Variants in LBP observed in about 807,000 individuals in gnomAD.
The protein encoded by LBP is lipopolysaccharide binding protein, also known as lipopolysaccharide-binding protein.
LBP carries 53 observed loss-of-function variants against 56.6 expected under a neutral mutation model. That is an observed-to-expected ratio of 0.94 (90% confidence interval 0.75 to 1.18). LBP has a LOEUF of 1.18. Among genes scored for constraint, LBP ranks in the 50% most tolerant of loss-of-function variants. LBP has a pLI of 0.00. For missense variants in LBP, 601 were observed against 598.3 expected (o/e 1.00, Z -0.05); for synonymous variants, 227 against 247.5 (o/e 0.92, Z 0.78).
intron 1 of LBP, among the ~76,000 whole-genome samples, chr20:38,347,216 G>A (rs1038452841): frequency 2.0e-5 from 3 of 152,142 alleles, no homozygotes; most frequent in Admixed American, 6.5e-5. Context: ...ATTTGTGCCC[G>A]TTAGGTACTT....
At chr20:38,375,181 TTTTTG>T (rs201985141) in intron 14 of LBP, among the ~76,000 whole-genome samples, 2,037 of 112,558 alleles carry the variant, frequency 0.018, 46 homozygotes, top group African/African-American at 0.065. Context: ...CTTCTAGTGC[TTTTTG>T]TTTTAAGGGT....
At chr20:38,353,576 G>C (rs919908465) in intron 3 of LBP, among the ~76,000 whole-genome samples, 1 of 137,512 alleles carries the variant, frequency 7.3e-6, no homozygotes, top group Non-Finnish European at 1.5e-5. Flanking sequence ...AGAGCTACGG[G>C]ATAAAGGCTT....
chr20:38,358,785 T>C (rs902412946), intron 5 of LBP, among the ~76,000 whole-genome samples: 4 of 152,188 alleles, frequency 2.6e-5, no homozygotes, highest in Non-Finnish European at 4.4e-5. Context: ...GTCCCTCTCC[T>C]TCACTGTACA....
chr20:38,366,531 C>T (rs2076882548), intron 8 of LBP, among the ~76,000 whole-genome samples: 1 of 152,210 alleles, frequency 6.6e-6, no homozygotes, highest in South Asian at 2.1e-4. Context: ...AAACCTCACC[C>T]TCGCAGACCC....
rs1385118406 is a variant in LBP at position 38,364,592 on chromosome 20, G to T, written c.761G>T (p.Arg254Leu). The change falls in exon 8 of 15, where the codon CGT (arginine) becomes CTT (leucine). Residue 254 changes from arginine (R) to leucine (L), a missense_variant. Physicochemically the swap from Arg to Leu is moderately radical, Grantham distance 102. Transcript: ENST00000217407. ...EVMFKGEIFH[R>L]NHRSPVTLLA... The stretch of plus-strand genomic sequence containing the variant: ...CCTCTCCAGGGTGAAATCTTTCATC[G>T]TAACCACCGTTCTCCAGTTACCCTC... 1.9e-6 allele frequency: 3 copies of T among 1,614,000 alleles called. No homozygotes were observed. Among genetic ancestry groups the T allele is most frequent in the Non-Finnish European group, 2.5e-6 (3 of 1,179,974 alleles).
intron 9 of LBP, among the ~76,000 whole-genome samples, chr20:38,368,328 G>A (rs998520711): frequency 1.4e-4 from 22 of 152,200 alleles, no homozygotes; most frequent in South Asian, 6.2e-4. Flanking sequence ...GGCCAGGTGC[G>A]GTGGCTCACA....
At chr20:38,370,597 G>A (rs1035766766) in intron 10 of LBP, 141 bp from the exon 11 acceptor site, 11 of 709,070 alleles carry the variant, frequency 1.6e-5, no homozygotes, top group Non-Finnish European at 2.3e-5. Context: ...CCTTCTGGGA[G>A]TCTATGATCT....
At chr20:38,370,570 T>C (rs2076897511) in intron 10 of LBP, among the ~76,000 whole-genome samples, 168 bp from the exon 11 acceptor site, 1 of 151,970 alleles carries the variant, frequency 6.6e-6, no homozygotes, top group South Asian at 2.1e-4. Flanking sequence ...AAATATTGTT[T>C]GAGCACCTAC....
intron 1 of LBP, among the ~76,000 whole-genome samples, chr20:38,348,540 C>T (rs1404603399): frequency 1.3e-5 from 2 of 151,960 alleles, no homozygotes; most frequent in Non-Finnish European, 2.9e-5. Context: ...CTCGATGATC[C>T]ACCCGCCTCG....
At chr20:38,357,717 C>T (rs2076846215) in intron 5 of LBP, among the ~76,000 whole-genome samples, 1 of 152,140 alleles carries the variant, frequency 6.6e-6, no homozygotes, top group South Asian at 2.1e-4. Flanking sequence ...GCTGCTCAGT[C>T]GCGTATACTT....
chr20:38,373,287 G>A, intron 13 of LBP, 152 bp downstream of exon 13: 1 of 678,882 alleles, frequency 1.5e-6, no homozygotes, highest in Non-Finnish European at 2.6e-6. Flanking sequence ...TGTGACATGG[G>A]ATCGTTGAAG....
At position 38,360,759 on chromosome 20, in the gene LBP, C is replaced by T; in HGVS notation, c.644C>T (p.Thr215Ile). 1 of 1,610,956 alleles carries T rather than the reference C, an allele frequency of 6.2e-7. No individual in the cohort carries two copies. Among genetic ancestry groups the T allele is most frequent in the African/African-American group, 1.3e-5 (1 of 74,958 alleles). Reference protein sequence around the residue: ...VSSDLQPYLQTLPVTTEIDSF... With the variant: ...VSSDLQPYLQILPVTTEIDSF... ...TCCGATCTACAGCCTTATCTCCAAACTCTGCCAGGTAGGACACCCCATCCA... is the reference window on the plus strand; with the variant it reads ...TCCGATCTACAGCCTTATCTCCAAATTCTGCCAGGTAGGACACCCCATCCA... The change falls in exon 6 of 15, where the codon ACT becomes ATT. Residue 215 changes from threonine (T) to isoleucine (I), a missense_variant. Physicochemically the swap from Thr to Ile is moderately conservative, Grantham distance 89 (BLOSUM62 -1). Transcript: ENST00000217407.
intron 10 of LBP, among the ~76,000 whole-genome samples, chr20:38,369,620 A>G (rs967514743): frequency 6.6e-6 from 1 of 152,202 alleles, no homozygotes; most frequent in African/African-American, 2.4e-5. Flanking sequence ...ATGAAGCCAG[A>G]GTACTATTTC....
intron 12 of LBP, among the ~76,000 whole-genome samples, chr20:38,372,478 G>A (rs745878160): frequency 9.2e-5 from 14 of 152,150 alleles, no homozygotes; most frequent in Non-Finnish European, 1.3e-4. Flanking sequence ...CCATCCTGTC[G>A]GGTTTTCAGA....
intron 4 of LBP, among the ~76,000 whole-genome samples, chr20:38,355,084 A>AC (rs773139093): frequency 6.6e-5 from 10 of 151,808 alleles, no homozygotes; most frequent in African/African-American, 1.5e-4. Flanking sequence ...CCTGTCCCCC[A>AC]CCCCCCCGCA....
intron 1 of LBP, among the ~76,000 whole-genome samples, chr20:38,348,218 G>A (rs2076807557): frequency 6.6e-6 from 1 of 152,158 alleles, no homozygotes; most frequent in South Asian, 2.1e-4. Context: ...CATTGAAACT[G>A]TAAATCAGGG....
At chr20:38,364,157 T>G in intron 7 of LBP, 91 bp downstream of exon 7, 1 of 824,660 alleles carries the variant, frequency 1.2e-6, no homozygotes, top group Admixed American at 2.0e-5. Flanking sequence ...TTCAGATCTG[T>G]CCTCATCCTC....
At chr20:38,354,993 G>A (rs1228430339) in intron 4 of LBP, among the ~76,000 whole-genome samples, 2 of 152,154 alleles carry the variant, frequency 1.3e-5, no homozygotes, top group Non-Finnish European at 2.9e-5. Flanking sequence ...GAGTTGGGAG[G>A]ATGGCTTCAG....
intron 11 of LBP, 27 bp downstream of exon 11, chr20:38,370,832 G>C: frequency 6.3e-7 from 1 of 1,583,986 alleles, no homozygotes; most frequent in Non-Finnish European, 8.7e-7. Context: ...CCTACATGGG[G>C]GTGCCCAGCT....
Sources: allele counts gnomAD v4.1 joint callset (sites outside exome capture counted in the v4.1 genomes callset), GRCh38; gene constraint gnomAD v4.1.1; transcripts MANE v1.5; gene names NCBI Gene and HGNC (gene_info 2026-07-23, HGNC 2026-07-21).